The following FANK1 variants were observed in gnomAD, a reference collection of about 807,000 sequenced individuals.
FANK1 encodes fibronectin type 3 and ankyrin repeat domains protein 1.
Under a neutral mutation model 45.3 loss-of-function variants are expected in FANK1, and 44 were observed. The ratio of observed to expected loss-of-function variants is 0.97; its 90% CI spans 0.76 to 1.25. FANK1 has a LOEUF of 1.25. FANK1 is among the 50% of genes most tolerant of loss of function. FANK1 has a pLI of 0.00. For synonymous variants in FANK1, 149 were observed against 152.5 expected (o/e 0.98, Z 0.17); for missense variants, 391 against 424.4 (o/e 0.92, Z 0.69).
At chr10:126,000,223 A>G (rs1952655742) in intron 6 of FANK1, among the ~76,000 whole-genome samples, 1 of 152,224 alleles carries the variant, frequency 6.6e-6, no homozygotes, top group African/African-American at 2.4e-5. Flanking sequence ...TGGACCCTCA[A>G]CTGGAATTAT....
intron 1 of FANK1, among the ~76,000 whole-genome samples, chr10:125,896,931 C>G (rs576756449): frequency 5.1e-4 from 78 of 152,232 alleles, no homozygotes; most frequent in African/African-American, 1.8e-3. Context: ...AAGGGCGCAG[C>G]GACCCCAGCG....
intron 1 of FANK1, among the ~76,000 whole-genome samples, chr10:125,901,985 G>A (rs201634532): frequency 2.6e-5 from 4 of 152,176 alleles, no homozygotes; most frequent in Non-Finnish European, 5.9e-5. Flanking sequence ...CAGGTGTGGT[G>A]TTGCACGCCT....
intron 1 of FANK1, among the ~76,000 whole-genome samples, chr10:125,963,976 AAGG>A (rs1306400297): frequency 2.6e-5 from 4 of 152,144 alleles, no homozygotes; most frequent in South Asian, 4.1e-4. Context: ...AGACAAAAAA[AAGG>A]AGAGAAATAT....
chr10:125,995,790 G>A (rs143156845), intron 4 of FANK1, among the ~76,000 whole-genome samples: 17 of 152,242 alleles, frequency 1.1e-4, no homozygotes, highest in South Asian at 4.1e-4. Flanking sequence ...CTTATAAGCC[G>A]CAGCATTTAG....
At chr10:125,909,685 A>AT (rs1945829923) in intron 1 of FANK1, among the ~76,000 whole-genome samples, 1 of 126,736 alleles carries the variant, frequency 7.9e-6, no homozygotes, top group Non-Finnish European at 1.6e-5. Flanking sequence ...TGACCAATTA[A>AT]CTTTTTTTTT....
chr10:125,899,286 C>G (rs1223648290), intron 1 of FANK1, among the ~76,000 whole-genome samples: 1 of 152,214 alleles, frequency 6.6e-6, no homozygotes, highest in Non-Finnish European at 1.5e-5. Context: ...TCTTGAACTC[C>G]TAACTTCAGG....
chr10:125,999,351 C>G (rs557574011), intron 6 of FANK1, among the ~76,000 whole-genome samples: 1 of 151,956 alleles, frequency 6.6e-6, no homozygotes, highest in African/African-American at 2.4e-5. Flanking sequence ...AGGCGCCCAC[C>G]ACCACACCCG....
chr10:126,001,549 G>GC (rs1952759419), intron 6 of FANK1, among the ~76,000 whole-genome samples: 1 of 152,188 alleles, frequency 6.6e-6, no homozygotes, highest in Non-Finnish European at 1.5e-5. Flanking sequence ...GCAGGGCTGT[G>GC]CTCAGGAGTG....
chr10:125,963,946 A>AT (rs988861637), intron 1 of FANK1, among the ~76,000 whole-genome samples: 3 of 152,104 alleles, frequency 2.0e-5, no homozygotes, highest in African/African-American at 7.2e-5. Context: ...CTGGATACCT[A>AT]TTTAGTTGGG....
chr10:125,948,659 T>C (rs1359226529), intron 1 of FANK1, among the ~76,000 whole-genome samples: 2 of 152,198 alleles, frequency 1.3e-5, no homozygotes, highest in African/African-American at 4.8e-5. Context: ...ACCAGATGGA[T>C]TCACAGCTGA....
chr10:125,957,972 T>G (rs1054687507), intron 1 of FANK1, among the ~76,000 whole-genome samples: 1 of 152,178 alleles, frequency 6.6e-6, no homozygotes, highest in Non-Finnish European at 1.5e-5. Context: ...ATGGGGTATA[T>G]AGTGATGTTT....
In FANK1 at chr10:125,997,471, A is replaced by AAG. The variant is rs1952425240; in HGVS notation, c.526_527dup (p.Ser176ArgfsTer7). 1.9e-6 allele frequency: 3 copies of AAG among 1,613,866 alleles called. No homozygotes were observed. Among genetic ancestry groups the AAG allele is most frequent in the Non-Finnish European group, 2.5e-6 (3 of 1,179,912 alleles). On this transcript the variant is annotated frameshift_variant, in exon 6 of 11. Coordinates refer to ENST00000368693, the MANE Select transcript of FANK1 (RefSeq NM_145235.5). LOFTEE classifies it high-confidence loss of function. ...GCACAGACGTGAATCTGAAGAATGG[A>AAG]AGTGGCAAGGACAGGTAGGAGGTGG...
In FANK1 at chr10:125,946,620, A is replaced by G. The variant is rs1427651229; in HGVS notation, c.14-33541A>G. ...ATATGGGACTATGTGAAAAGACCAA[A>G]TCTACGTCTGATTGGTGTACCTGAA... On this transcript the variant is annotated intron_variant, in intron 1 of 10. Coordinates refer to ENST00000368693, the MANE Select transcript of FANK1 (RefSeq NM_145235.5). 3.6e-4 allele frequency among the ~76,000 whole-genome samples: 54 copies of G among 150,970 alleles called. 2 individuals carry two copies. Among genetic ancestry groups the G allele is most frequent in the Admixed American group, 3.6e-3 (54 of 15,188 alleles).
chr10:125,933,937 T>C (rs1307303017), intron 1 of FANK1, among the ~76,000 whole-genome samples: 1 of 152,194 alleles, frequency 6.6e-6, no homozygotes, highest in East Asian at 1.9e-4. Context: ...GTATTTGCAT[T>C]GTTTTGAAGG....
intron 1 of FANK1, chr10:125,973,424 G>A (rs1226889235): frequency 6.1e-6 from 6 of 985,184 alleles, no homozygotes; most frequent in African/African-American, 1.7e-5. Context: ...ATACAAGGAC[G>A]TGAAGATGTG....
Position 126,009,389 on chromosome 10 carries a change from T to C in FANK1, c.989T>C (p.Leu330Ser), listed in dbSNP as rs1272585268. 3 of 1,613,840 alleles carry C rather than the reference T, an allele frequency of 1.9e-6. No homozygotes were observed. Among genetic ancestry groups the C allele is most frequent in the Non-Finnish European group, 2.5e-6 (3 of 1,180,004 alleles). ...TTTATCTAGAGTGTAGTCTCCTTAT[T>C]AGAAGAAAGGAAAAAAAAGCAGAGG... ...VFDRQSVVSL[L>S]EERKKKQRPK... Residue 330 changes from leucine (L) to serine (S), a missense_variant, in exon 11 of 11, where the codon TTA (leucine) becomes TCA (serine). Transcript: ENST00000368693.
chr10:125,946,478 T>C (rs1413289230), intron 1 of FANK1, among the ~76,000 whole-genome samples: 10 of 152,082 alleles, frequency 6.6e-5, no homozygotes, highest in East Asian at 3.8e-4. Context: ...CCTCAGGAGC[T>C]GATGTGATCA....
intron 1 of FANK1, among the ~76,000 whole-genome samples, chr10:125,911,344 C>T (rs1226881187): frequency 1.3e-5 from 2 of 152,208 alleles, no homozygotes; most frequent in Non-Finnish European, 2.9e-5. Flanking sequence ...CAGAAGGAAC[C>T]AGCCTTTGAT....
At chr10:125,955,547 C>A (rs1949523873) in intron 1 of FANK1, among the ~76,000 whole-genome samples, 2 of 152,152 alleles carry the variant, frequency 1.3e-5, no homozygotes, top group African/African-American at 4.8e-5. Context: ...GTGGTGCGAT[C>A]ATGACTCACT....
Sources: gnomAD v4.1 joint callset for allele counts (sites outside exome capture counted in the v4.1 genomes callset) on GRCh38, gnomAD v4.1.1 for gene constraint, MANE v1.5 for transcripts, NCBI Gene and HGNC (gene_info 2026-07-23, HGNC 2026-07-21) for gene names.